FREM1: variants seen among roughly 807,000 people sequenced by gnomAD.
FREM1 encodes the protein FRAS1 related extracellular matrix 1.
Under a neutral mutation model 210.1 loss-of-function variants are expected in FREM1, and 220 were observed. The observed-to-expected ratio is 1.05, with a 90% CI of 0.94 to 1.17. FREM1 has a LOEUF of 1.17. Among genes scored for constraint, FREM1 ranks in the 50% most tolerant of loss-of-function variants. FREM1 has a pLI of 0.00. For missense variants in FREM1, 3,454 were observed against 2,675.5 expected, an observed-to-expected ratio of 1.29 and a Z score of -6.42; for synonymous variants, 1,189 against 980.2, an observed-to-expected ratio of 1.21 and a Z score of -3.98.
chr9:14,860,853 GTATATATACACA>G (rs1830005548), intron 3 of FREM1, among the ~76,000 whole-genome samples: 2 of 47,248 alleles, frequency 4.2e-5, no homozygotes, highest in African/African-American at 3.1e-4. Flanking sequence ...ACATATATAC[GTATATATACACA>G]TATATATACG....
At chr9:14,792,309 G>GAC (rs1851561855) in intron 22 of FREM1, among the ~76,000 whole-genome samples, 6 of 143,146 alleles carry the variant, frequency 4.2e-5, no homozygotes, top group Admixed American at 4.1e-4. Context: ...CACACAGAGA[G>GAC]AGAGAGAGAT....
Position 14,819,345 on chromosome 9 carries a change from A to G in FREM1, c.2435T>C (p.Ile812Thr), listed in dbSNP as rs1456475618. The G allele has an allele frequency of 8.7e-6, 14 of 1,613,806 alleles. No homozygotes were observed. The highest frequency in any genetic ancestry group is 9.3e-6 in the Non-Finnish European group (11 of 1,179,722). The change falls in exon 14 of 37, where the codon ATT (isoleucine) becomes ACT (threonine). Residue 812 changes from isoleucine (I) to threonine (T), a missense_variant. By Grantham distance (89) the Ile-to-Thr change is moderately conservative. Coordinates refer to ENST00000380880, the MANE Select transcript of FREM1 (RefSeq NM_001379081.2). ...AGGCAATTCCCGCAGGGAGAGGTCAATATTGTCCAGCTTGGTATCTGCATC... is the reference window on the plus strand; with the variant it reads ...AGGCAATTCCCGCAGGGAGAGGTCAGTATTGTCCAGCTTGGTATCTGCATC... ...ISDADTKLDN[I>T]DLSLRELPLH...
chr9:14,892,557 G>A (rs1191021994), intron 1 of FREM1, among the ~76,000 whole-genome samples: 1 of 152,120 alleles, frequency 6.6e-6, no homozygotes, highest in Non-Finnish European at 1.5e-5. Flanking sequence ...GAACGGGTTT[G>A]GCACTATAGG....
chr9:14,889,745 C>G (rs1434601427), intron 1 of FREM1, among the ~76,000 whole-genome samples: 6 of 152,150 alleles, frequency 3.9e-5, no homozygotes, highest in Non-Finnish European at 8.8e-5. Context: ...TCCTTCTATG[C>G]TCTTAGGTTG....
intron 23 of FREM1, among the ~76,000 whole-genome samples, chr9:14,786,128 G>C (rs1850390343): frequency 6.6e-6 from 1 of 152,132 alleles, no homozygotes; most frequent in Admixed American, 6.6e-5. Flanking sequence ...CACTAATCTT[G>C]TGAGGTATTG....
intron 28 of FREM1, among the ~76,000 whole-genome samples, chr9:14,758,249 C>T (rs1013719217): frequency 7.2e-5 from 11 of 152,178 alleles, no homozygotes; most frequent in African/African-American, 1.4e-4. Context: ...TCAGCTGGCA[C>T]GTTTGTTGTG....
rs868385880 is a variant in FREM1, at chr9:14,861,086, C to A, written c.330-1602G>T. Among the ~76,000 whole-genome samples the A allele has an allele frequency of 3.6e-5, 3 of 84,120 alleles. 1 individual carries two copies. Among genetic ancestry groups the A allele is most frequent in the East Asian group, 5.7e-4 (2 of 3,504 alleles). 55.2% of individuals were successfully genotyped at this position (84,120 alleles called of 152,430 possible). A position where few individuals can be genotyped will look rare whatever the true frequency, so the allele number is the denominator to read the frequency against. On this transcript the variant is annotated intron_variant, in intron 3 of 36. Transcript: ENST00000380880. ...ACACATATACATATATACATATATA[C>A]ACATATATATAAACATATATACACA...
chr9:14,823,098 G>A (rs1821680196), intron 13 of FREM1, 62 bp downstream of exon 13: 1 of 1,244,952 alleles, frequency 8.0e-7, no homozygotes, highest in Admixed American at 2.1e-5. Flanking sequence ...ATTTCTAGTA[G>A]GTCTTCAAGT....
chr9:14,860,956 CAT>C lies in FREM1; in HGVS notation c.330-1474_330-1473del, dbSNP rs1467906142. The stretch of plus-strand genomic sequence containing the variant: ...ATATACACACATATACACATATACA[CAT>C]ATATACACATATATACATATATACA... On this transcript the variant is annotated intron_variant, in intron 3 of 36. Transcript: ENST00000380880. Among the ~76,000 whole-genome samples, 92 of 95,542 alleles carry C rather than the reference CAT, an allele frequency of 9.6e-4. 16 individuals carry two copies. Among genetic ancestry groups the C allele is most frequent in the African/African-American group, 3.3e-3 (81 of 24,810 alleles). The allele number at this position is 95,542 out of a possible 152,430, so 62.7% of individuals were successfully genotyped here. A position where few individuals can be genotyped will look rare whatever the true frequency, so the allele number is the denominator to read the frequency against.
chr9:14,863,445 T>C (rs1481062038), intron 3 of FREM1, among the ~76,000 whole-genome samples: 3 of 152,108 alleles, frequency 2.0e-5, no homozygotes, highest in Non-Finnish European at 2.9e-5. Context: ...AAGAATTTCA[T>C]TCATTTTTGG....
chr9:14,816,264 T>C (rs1820291832), intron 15 of FREM1, among the ~76,000 whole-genome samples: 1 of 152,176 alleles, frequency 6.6e-6, no homozygotes, highest in Non-Finnish European at 1.5e-5. Flanking sequence ...GACAATAGCA[T>C]AGTACTACTA....
At chr9:14,816,241 T>C (rs138052361) in intron 15 of FREM1, among the ~76,000 whole-genome samples, 4 of 152,316 alleles carry the variant, frequency 2.6e-5, no homozygotes, top group Non-Finnish European at 5.9e-5. Flanking sequence ...TACCTCTAAA[T>C]AGATTAGAGA....
intron 10 of FREM1, among the ~76,000 whole-genome samples, chr9:14,838,725 A>G (rs1352982497): frequency 3.3e-5 from 5 of 152,238 alleles, no homozygotes; most frequent in African/African-American, 4.8e-5. Context: ...TCAGATACCT[A>G]GGTCTAGAAA....
intron 10 of FREM1, among the ~76,000 whole-genome samples, chr9:14,827,322 A>T (rs1259973123): frequency 1.3e-5 from 2 of 152,228 alleles, no homozygotes; most frequent in African/African-American, 4.8e-5. Context: ...TCTTCCTGTT[A>T]TAAAGTGGCA....
chr9:14,757,198 C>T (rs564205388), intron 28 of FREM1, among the ~76,000 whole-genome samples: 2 of 152,282 alleles, frequency 1.3e-5, no homozygotes, highest in South Asian at 2.1e-4. Context: ...ACCAAAGAGG[C>T]GATTTTAGCG....
intron 10 of FREM1, among the ~76,000 whole-genome samples, chr9:14,825,996 A>C (rs868100483): frequency 9.2e-5 from 14 of 152,182 alleles, no homozygotes; most frequent in Non-Finnish European, 4.4e-5. Flanking sequence ...TTACCCCTTC[A>C]AAAATCTTAA....
At position 14,842,516 on chromosome 9, in the gene FREM1, T is replaced by C. The variant is rs757282994; in HGVS notation, c.1538A>G (p.Asn513Ser). 1 of 1,614,030 alleles carries C rather than the reference T, an allele frequency of 6.2e-7. No homozygotes were observed. Among genetic ancestry groups the C allele is most frequent in the Non-Finnish European group, 8.5e-7 (1 of 1,179,898 alleles). Residue 513 changes from asparagine to serine, a missense_variant, in exon 9 of 37, where the codon AAC (asparagine) becomes AGC (serine). By Grantham distance (46) the Asn-to-Ser change is conservative. Coordinates refer to ENST00000380880, the MANE Select transcript of FREM1 (RefSeq NM_001379081.2). ...GGGACTATCATCTTTGGGCAAGACG[T>C]TGATGGGGAATTTGTGACGGATGCT... is the stretch of plus-strand genomic sequence containing the variant. ...HHSIRHKFPI[N>S]VLPKDDSPPF...
chr9:14,884,033 A>AGCCT (rs1231748344), intron 1 of FREM1, among the ~76,000 whole-genome samples: 5 of 152,190 alleles, frequency 3.3e-5, no homozygotes, highest in Non-Finnish European at 5.9e-5. Flanking sequence ...GTTCGAGCCC[A>AGCCT]GCCTGACTAA....
Position 14,851,482 on chromosome 9 carries a change from T to A in FREM1, c.954A>T (p.Ser318=). Residue 318 remains serine, a synonymous_variant, in exon 6 of 37, where the codon TCA becomes TCT. Coordinates refer to ENST00000380880, the MANE Select transcript of FREM1 (RefSeq NM_001379081.2). ...TCTCATCTTCTTCACAGTCCAGAAC[T>A]GATGTAGTCAAGGAGGTCAGGATGA... The part of the protein sequence containing the change: ...DQFILTSLTT[S]VLDCEEDETP... 6.2e-7 allele frequency: 1 copy of A among 1,613,970 alleles called. No individual in the cohort carries two copies. The highest frequency in any genetic ancestry group is 8.5e-7 in the Non-Finnish European group (1 of 1,179,878).
Sources: gnomAD v4.1 joint callset for allele counts (sites outside exome capture counted in the v4.1 genomes callset) on GRCh38, gnomAD v4.1.1 for gene constraint, MANE v1.5 for transcripts, NCBI Gene and HGNC (gene_info 2026-07-23, HGNC 2026-07-21) for gene names.